Variants in LIPA observed in about 807,000 individuals in gnomAD.
LIPA encodes the protein lysosomal acid lipase/cholesteryl ester hydrolase.
A neutral mutation model predicts 40.6 loss-of-function variants in LIPA; 26 were observed. That is an observed-to-expected ratio of 0.64 (90% CI 0.47 to 0.89). LIPA has a LOEUF of 0.89. Among genes scored for constraint, LIPA ranks in the 40% least tolerant of loss-of-function variants. LIPA has a pLI of 0.00. For synonymous variants in LIPA, 188 were observed against 168.4 expected (o/e 1.12, Z -0.90); for missense variants, 455 against 479.6 (o/e 0.95, Z 0.48).
chr10:89,297,619 C>G (rs1447346511), intron 1 of LIPA, among the ~76,000 whole-genome samples: 3 of 152,228 alleles, frequency 2.0e-5, no homozygotes, highest in Non-Finnish European at 4.4e-5. Context: ...ACAAAGGAAA[C>G]TAAAACATGT....
intron 2 of LIPA, among the ~76,000 whole-genome samples, chr10:89,380,030 G>A (rs980926306): frequency 2.0e-4 from 30 of 147,616 alleles, no homozygotes; most frequent in East Asian, 9.9e-4. Flanking sequence ...GTGAGACTCC[G>A]TCTCAAAAAA....
At chr10:89,405,148 T>C (rs2133637913) in intron 2 of LIPA, 1 of 152,270 alleles carries the variant, frequency 6.6e-6, no homozygotes, top group Admixed American at 6.5e-5. Context: ...AAAGGTTAGT[T>C]TTCTTCATGA....
chr10:89,305,042 T>G (rs771842569), intron 1 of LIPA, among the ~76,000 whole-genome samples: 1 of 151,202 alleles, frequency 6.6e-6, no homozygotes, highest in Non-Finnish European at 1.5e-5. Context: ...ATAGAGCAAC[T>G]CAATGAGATG....
intron 1 of LIPA, among the ~76,000 whole-genome samples, chr10:89,282,204 G>C (rs1589587759): frequency 6.6e-6 from 1 of 152,200 alleles, no homozygotes; most frequent in African/African-American, 2.4e-5. Flanking sequence ...GTCCTGGAAG[G>C]ATCATCCAGA....
chr10:89,341,927 T>C (rs1346578215), intron 1 of LIPA, among the ~76,000 whole-genome samples: 1 of 152,170 alleles, frequency 6.6e-6, no homozygotes, highest in Non-Finnish European at 1.5e-5. Context: ...TACGTGAAAA[T>C]TGCTGAGAGA....
chr10:89,303,009 C>CAA lies in LIPA; in HGVS notation c.-2+39600_-2+39601dup, dbSNP rs11420925. 2.1e-3 allele frequency among the ~76,000 whole-genome samples: 283 copies of CAA among 132,220 alleles called. 1 individual carries two copies. Among genetic ancestry groups the CAA allele is most frequent in the Middle Eastern group, 0.012 (3 of 260 alleles). The allele number at this position is 132,220 out of a possible 152,430, so 86.7% of individuals were successfully genotyped here. ...CTAGTCTAAATGTTCTGCCTGATTT[C>CAA]AAAAAAAAAAAAAAAGATTTGAGAT... is the stretch of plus-strand genomic sequence containing the variant. On this transcript the variant is annotated intron_variant, in intron 1 of 5. Coordinates refer to the LIPA transcript ENST00000282673.
intron 2 of LIPA, among the ~76,000 whole-genome samples, chr10:89,411,680 C>A (rs544040043): frequency 3.9e-5 from 6 of 152,332 alleles, no homozygotes; most frequent in African/African-American, 1.4e-4. Context: ...CAGCGACTCT[C>A]CAAAATCGCC....
At chr10:89,388,664 A>G (rs1844225091) in intron 2 of LIPA, among the ~76,000 whole-genome samples, 1 of 152,136 alleles carries the variant, frequency 6.6e-6, no homozygotes, top group African/African-American at 2.4e-5. Context: ...TATCCATGTC[A>G]TCTTCCTGGT....
chr10:89,223,703 T>C lies in LIPA; in HGVS notation c.803A>G (p.Asn268Ser), dbSNP rs1461579114. ...GNLCFLLCGFNERNLNMSRVD... is the reference protein window; with the variant it reads ...GNLCFLLCGFSERNLNMSRVD... ...GCATACCATATTTAAATTTCTCTCA[T>C]TAAATCCACACAGAAGAAAACAGAG... The change falls in exon 7 of 10, where the codon AAT (asparagine) becomes AGT (serine). Residue 268 changes from asparagine (N) to serine (S), a missense_variant. Physicochemically the swap from Asn to Ser is conservative, Grantham distance 46 (BLOSUM62 1). Coordinates refer to ENST00000336233, the MANE Select transcript of LIPA (RefSeq NM_000235.4). 2 of 1,612,712 alleles carry C rather than the reference T, an allele frequency of 1.2e-6. No individual in the cohort carries two copies. The highest frequency in any genetic ancestry group is 1.7e-6 in the Non-Finnish European group (2 of 1,178,782).
chr10:89,340,963 C>T (rs557035657), intron 1 of LIPA: 1 of 152,312 alleles, frequency 6.6e-6, no homozygotes, highest in South Asian at 2.1e-4. Flanking sequence ...CATTTCAACT[C>T]TGTTAGAATA....
chr10:89,287,379 C>T lies in LIPA; in HGVS notation c.-1-39730G>A, dbSNP rs181092386. On this transcript the variant is annotated intron_variant, in intron 1 of 5. Coordinates refer to the LIPA transcript ENST00000282673. The stretch of plus-strand genomic sequence containing the variant: ...TTCTAAACCTCTTAAAACTCCCCAA[C>T]TCTGATGCCAACTTGGACAACATTC... Among the ~76,000 whole-genome samples, 74 of 152,332 alleles carry T rather than the reference C, an allele frequency of 4.9e-4. No individual in the cohort carries two copies. The East Asian group carries it at 0.011, about 22-fold the overall frequency.
At chr10:89,393,871 A>T (rs1203715275) in intron 2 of LIPA, among the ~76,000 whole-genome samples, 2 of 152,224 alleles carry the variant, frequency 1.3e-5, no homozygotes, top group Admixed American at 6.5e-5. Flanking sequence ...CCTCCTCTGT[A>T]AACAGATGGA....
chr10:89,410,444 C>T (rs1365694853), intron 2 of LIPA, among the ~76,000 whole-genome samples: 1 of 152,194 alleles, frequency 6.6e-6, no homozygotes, highest in Non-Finnish European at 1.5e-5. Context: ...TAGAAGTCCC[C>T]TTAGCTAATC....
chr10:89,270,886 C>A (rs1195761916), intron 1 of LIPA, among the ~76,000 whole-genome samples: 1 of 152,222 alleles, frequency 6.6e-6, no homozygotes, highest in African/African-American at 2.4e-5. Flanking sequence ...GATAACTATT[C>A]TTTTGATGAA....
intron 3 of LIPA, among the ~76,000 whole-genome samples, chr10:89,244,099 T>C (rs1842995304): frequency 6.6e-6 from 1 of 152,164 alleles, no homozygotes; most frequent in Non-Finnish European, 1.5e-5. Flanking sequence ...TCACTCATTT[T>C]ATAACATATT....
chr10:89,306,158 G>A (rs532385968), intron 1 of LIPA: 9 of 1,614,088 alleles, frequency 5.6e-6, no homozygotes, highest in East Asian at 4.5e-5. Context: ...AGGGCAAAAC[G>A]AGGCAGCCCT....
chr10:89,359,025 A>G (rs1170256565), intron 2 of LIPA, among the ~76,000 whole-genome samples: 1 of 152,220 alleles, frequency 6.6e-6, no homozygotes, highest in African/African-American at 2.4e-5. Context: ...CAGTTCTTTC[A>G]GTGAATGGAG....
chr10:89,373,071 C>T (rs1157085835), intron 2 of LIPA, among the ~76,000 whole-genome samples: 10 of 151,242 alleles, frequency 6.6e-5, no homozygotes, highest in African/African-American at 1.2e-4. Context: ...CGGTGGCTCA[C>T]GCCTGTAATC....
intron 2 of LIPA, among the ~76,000 whole-genome samples, chr10:89,349,218 G>A (rs1186938997): frequency 6.6e-6 from 1 of 152,140 alleles, no homozygotes. Context: ...GGTTGACCCC[G>A]TGTCCAGACA....
Sources: allele counts gnomAD v4.1 joint callset (sites outside exome capture counted in the v4.1 genomes callset), GRCh38; gene constraint gnomAD v4.1.1; transcripts MANE v1.5; gene names NCBI Gene and HGNC (gene_info 2026-07-23, HGNC 2026-07-21).